LPP: variants seen among roughly 807,000 people sequenced by gnomAD.
The protein encoded by LPP is LIM domain containing preferred translocation partner in lipoma, also known as lipoma-preferred partner.
Under a neutral mutation model 60.4 loss-of-function variants are expected in LPP, and 38 were observed. The ratio of observed to expected loss-of-function variants is 0.63; its 90% confidence interval spans 0.49 to 0.83. LPP has a LOEUF of 0.83. Among genes scored for constraint, LPP ranks in the 40% least tolerant of loss-of-function variants. The probability of loss-of-function intolerance (pLI) is 0.00; values close to 1 mark genes in which losing one functional copy is unlikely to be tolerated. For missense variants in LPP, 902 were observed against 783.6 expected, an observed-to-expected ratio of 1.15 and a Z score of -1.80; for synonymous variants, 328 against 290.8, an observed-to-expected ratio of 1.13 and a Z score of -1.30.
At chr3:188,350,219 A>C (rs1322965427) in intron 3 of LPP, among the ~76,000 whole-genome samples, 2 of 152,142 alleles carry the variant, frequency 1.3e-5, no homozygotes, top group African/African-American at 2.4e-5. Flanking sequence ...GGGTCTGTGG[A>C]GGTGAGTTTG....
At chr3:188,527,323 C>T (rs1820882670) in intron 6 of LPP, among the ~76,000 whole-genome samples, 1 of 139,070 alleles carries the variant, frequency 7.2e-6, no homozygotes, top group Admixed American at 7.7e-5. Context: ...GCGCTCCAGC[C>T]TGGGGACAGA....
At chr3:188,226,909 C>CCA (rs1329565749) in intron 2 of LPP, among the ~76,000 whole-genome samples, 1 of 152,156 alleles carries the variant, frequency 6.6e-6, no homozygotes, top group African/African-American at 2.4e-5. Context: ...AGGCTGGAAA[C>CCA]CACTGGTTTG....
At chr3:188,812,774 C>CCTCT (rs35953542) in intron 9 of LPP, among the ~76,000 whole-genome samples, 2 of 148,516 alleles carry the variant, frequency 1.3e-5, no homozygotes, top group Admixed American at 6.7e-5. Flanking sequence ...TCTCACTCTC[C>CCTCT]CTCTCTCTCT....
chr3:188,678,732 A>G (rs558466227), intron 7 of LPP, among the ~76,000 whole-genome samples: 1 of 152,284 alleles, frequency 6.6e-6, no homozygotes, highest in East Asian at 1.9e-4. Context: ...GTGATGAGGG[A>G]TATGTAGATG....
intron 3 of LPP, among the ~76,000 whole-genome samples, chr3:188,351,521 G>C (rs1216505253): frequency 6.6e-6 from 1 of 152,106 alleles, no homozygotes. Flanking sequence ...TGCTGCTGCT[G>C]TATTAAACAG....
intron 4 of LPP, among the ~76,000 whole-genome samples, chr3:188,457,663 G>A (rs928829152): frequency 3.3e-5 from 5 of 151,418 alleles, no homozygotes; most frequent in South Asian, 4.2e-4. Context: ...GAGGCCAAGG[G>A]GAGCAGATCA....
intron 9 of LPP, among the ~76,000 whole-genome samples, chr3:188,834,429 C>CT (rs1757908077): frequency 7.2e-6 from 1 of 139,342 alleles, no homozygotes; most frequent in Non-Finnish European, 1.5e-5. Context: ...TGTGAACTCT[C>CT]TGAGCCTGGT....
intron 6 of LPP, among the ~76,000 whole-genome samples, chr3:188,535,054 A>G (rs556707030): frequency 1.2e-5 from 1 of 84,312 alleles, no homozygotes; most frequent in Admixed American, 1.2e-4. Context: ...TGAAATATAC[A>G]AAGTGAGCAC....
intron 2 of LPP, among the ~76,000 whole-genome samples, chr3:188,304,016 T>G (rs1216331328): frequency 6.6e-6 from 1 of 152,176 alleles, no homozygotes; most frequent in Admixed American, 6.5e-5. Flanking sequence ...TCTACCCTAC[T>G]TAACTGCCTG....
At chr3:188,434,489 C>T (rs1038191720) in intron 4 of LPP, among the ~76,000 whole-genome samples, 9 of 152,100 alleles carry the variant, frequency 5.9e-5, no homozygotes, top group Non-Finnish European at 1.0e-4. Context: ...TTTGATTTTA[C>T]TAGAGTGGTG....
intron 3 of LPP, among the ~76,000 whole-genome samples, chr3:188,391,049 C>G (rs1373470791): frequency 1.3e-5 from 2 of 152,168 alleles, no homozygotes; most frequent in African/African-American, 4.8e-5. Flanking sequence ...ATTTAGGGAA[C>G]TGAAGATTTA....
intron 9 of LPP, among the ~76,000 whole-genome samples, chr3:188,804,160 C>A (rs1748202001): frequency 7.1e-6 from 1 of 141,706 alleles, no homozygotes; most frequent in Admixed American, 7.4e-5. Context: ...TGTAACTTTG[C>A]TAAAATTATT....
intron 1 of LPP, among the ~76,000 whole-genome samples, chr3:188,202,732 G>A (rs1051350501): frequency 1.3e-5 from 2 of 152,264 alleles, no homozygotes; most frequent in South Asian, 4.1e-4. Flanking sequence ...ATGGGCTTTC[G>A]AGGTTGGGAG....
intron 4 of LPP, among the ~76,000 whole-genome samples, chr3:188,411,160 A>G (rs1165223812): frequency 1.3e-5 from 2 of 152,136 alleles, no homozygotes; most frequent in African/African-American, 2.4e-5. Flanking sequence ...ACAGACAATA[A>G]TCATATGAAA....
At chr3:188,851,652 A>G (rs757945570) in intron 9 of LPP, among the ~76,000 whole-genome samples, 1 of 152,256 alleles carries the variant, frequency 6.6e-6, no homozygotes, top group Non-Finnish European at 1.5e-5. Flanking sequence ...TATTTATTCA[A>G]CAAACAATCC....
chr3:188,267,865 G>A (rs760011446), intron 2 of LPP, among the ~76,000 whole-genome samples: 1 of 152,046 alleles, frequency 6.6e-6, no homozygotes, highest in Non-Finnish European at 1.5e-5. Flanking sequence ...CCCTAAACCC[G>A]GGCTTGCGTG....
intron 7 of LPP, among the ~76,000 whole-genome samples, chr3:188,671,157 TC>T (rs1463407798): frequency 6.6e-6 from 1 of 152,218 alleles, no homozygotes; most frequent in African/African-American, 2.4e-5. Context: ...GCATTTAATA[TC>T]TACCTTGGAT....
At chr3:188,736,961 T>C (rs1350786988) in intron 8 of LPP, among the ~76,000 whole-genome samples, 2 of 152,090 alleles carry the variant, frequency 1.3e-5, no homozygotes, top group Non-Finnish European at 2.9e-5. Flanking sequence ...GGGAAAATAT[T>C]ATCTTGTGAG....
chr3:188,859,527 G>T (rs1764674698), intron 9 of LPP, among the ~76,000 whole-genome samples: 2 of 152,162 alleles, frequency 1.3e-5, no homozygotes, highest in South Asian at 4.1e-4. Flanking sequence ...GAGAACCTTT[G>T]AGGGCAAGGA....
Sources: allele counts gnomAD v4.1 joint callset (sites outside exome capture counted in the v4.1 genomes callset), GRCh38; gene constraint gnomAD v4.1.1; transcripts MANE v1.5; gene names NCBI Gene and HGNC (gene_info 2026-07-23, HGNC 2026-07-21).